Variants in CFAP299 observed in about 807,000 individuals in gnomAD.
The protein encoded by CFAP299 is cilia- and flagella-associated protein 299.
A neutral mutation model predicts 27.0 loss-of-function variants in CFAP299; 21 were observed. That is an observed-to-expected ratio of 0.78 (90% CI 0.55 to 1.12). The LOEUF is 1.12. Ranked by LOEUF, CFAP299 falls within the 50% of genes most tolerant of loss-of-function variation. The pLI is 0.00. For synonymous variants in CFAP299, 104 were observed against 98.1 expected (o/e 1.06, Z -0.36); for missense variants, 310 against 276.6 (o/e 1.12, Z -0.86).
At chr4:80,362,670 C>T (rs1723610614) in intron 1 of CFAP299, 84 bp from the exon 2 acceptor site, 11 of 1,373,156 alleles carry the variant, frequency 8.0e-6, no homozygotes, top group Non-Finnish European at 1.1e-5. Context: ...GCTTGGTATA[C>T]ATTGCAGATG....
chr4:80,625,668 T>C (rs1298994597), intron 3 of CFAP299, among the ~76,000 whole-genome samples: 1 of 151,950 alleles, frequency 6.6e-6, no homozygotes, highest in Non-Finnish European at 1.5e-5. Context: ...AGGACACACA[T>C]AGACTTAAAG....
Position 80,495,787 on chromosome 4 carries a change from T to C in CFAP299, c.243-87306T>C, listed in dbSNP as rs945243501. ...CAGGAAGCATGATACTAGCATCTGC[T>C]CAGCTTCTAAGGAGGCCTCAGGAAA... On this transcript the variant is annotated intron_variant, in intron 2 of 5. Coordinates refer to ENST00000358105, the MANE Select transcript of CFAP299 (RefSeq NM_152770.3). Among the ~76,000 whole-genome samples, 20 of 152,234 alleles carry C rather than the reference T, an allele frequency of 1.3e-4. 1 individual carries two copies. Among genetic ancestry groups the C allele is most frequent in the Non-Finnish European group, 2.5e-4 (17 of 68,036 alleles).
chr4:80,325,954 A>G, the CFAP299 span, among the ~76,000 whole-genome samples: 1 of 152,196 alleles, frequency 6.6e-6, no homozygotes, highest in Non-Finnish European at 1.5e-5. Flanking sequence ...AGAAGCTCCT[A>G]TCCACAGGCT....
intron 2 of CFAP299, among the ~76,000 whole-genome samples, chr4:80,457,953 A>G (rs1051734542): frequency 2.0e-5 from 3 of 152,100 alleles, no homozygotes; most frequent in South Asian, 4.1e-4. Context: ...GTCCATTTCT[A>G]TCCTGTGGCA....
At chr4:80,338,466 A>AT (rs896590339) in intron 1 of CFAP299, among the ~76,000 whole-genome samples, 13 of 151,774 alleles carry the variant, frequency 8.6e-5, no homozygotes, top group African/African-American at 1.9e-4. Context: ...GAGTCACAAG[A>AT]TTTTTTTTTG....
intron 4 of CFAP299, among the ~76,000 whole-genome samples, chr4:80,875,664 CAAAA>C (rs199860402): frequency 3.3e-5 from 3 of 90,772 alleles, no homozygotes; most frequent in Non-Finnish European, 2.4e-5. Flanking sequence ...AACTCTGTCT[CAAAA>C]AAAAAAAAAA....
chr4:80,828,973 T>C (rs543921901), intron 3 of CFAP299, among the ~76,000 whole-genome samples: 1 of 151,924 alleles, frequency 6.6e-6, no homozygotes, highest in Non-Finnish European at 1.5e-5. Flanking sequence ...GCTAAAATTA[T>C]AAAATTCCTG....
chr4:80,493,540 G>A (rs1418098610), intron 2 of CFAP299, among the ~76,000 whole-genome samples: 1 of 152,134 alleles, frequency 6.6e-6, no homozygotes, highest in Non-Finnish European at 1.5e-5. Context: ...GCAGGTGATA[G>A]GAAAGAGTCA....
chr4:80,472,655 C>A (rs960891587), intron 2 of CFAP299, among the ~76,000 whole-genome samples: 1 of 152,150 alleles, frequency 6.6e-6, no homozygotes, highest in African/African-American at 2.4e-5. Context: ...TGGCAGCCGG[C>A]TGGACAGGAG....
At chr4:80,642,327 T>C (rs75612543) in intron 3 of CFAP299, among the ~76,000 whole-genome samples, 1 of 152,226 alleles carries the variant, frequency 6.6e-6, no homozygotes, top group East Asian at 1.9e-4. Flanking sequence ...ATGAATGGTG[T>C]CTTATTAATT....
intron 2 of CFAP299, among the ~76,000 whole-genome samples, chr4:80,521,211 A>G (rs1043701411): frequency 1.3e-5 from 2 of 152,158 alleles, no homozygotes; most frequent in African/African-American, 2.4e-5. Context: ...TCATTTATAT[A>G]TATTGTTCTA....
chr4:80,760,509 G>C (rs546376291), intron 3 of CFAP299, among the ~76,000 whole-genome samples: 1 of 152,272 alleles, frequency 6.6e-6, no homozygotes, highest in Admixed American at 6.5e-5. Context: ...GAGCTATACA[G>C]GGAATGAGAT....
intron 2 of CFAP299, among the ~76,000 whole-genome samples, chr4:80,565,325 A>G (rs547055737): frequency 6.6e-6 from 1 of 152,098 alleles, no homozygotes; most frequent in African/African-American, 2.4e-5. Flanking sequence ...GTCTGTTACT[A>G]CTATGGCATA....
chr4:80,473,329 T>C (rs1730104460), intron 2 of CFAP299, among the ~76,000 whole-genome samples: 1 of 152,144 alleles, frequency 6.6e-6, no homozygotes, highest in African/African-American at 2.4e-5. Flanking sequence ...AACTTATTTC[T>C]TTAAGACAAA....
chr4:80,327,346 C>T, the CFAP299 span, among the ~76,000 whole-genome samples: 1,079 of 151,756 alleles, frequency 7.1e-3, 18 homozygotes, highest in African/African-American at 0.025. Flanking sequence ...ATTGAGGTAG[C>T]GTGAAGTAAG....
chr4:80,639,050 A>G (rs933019621), intron 3 of CFAP299, among the ~76,000 whole-genome samples: 2 of 152,102 alleles, frequency 1.3e-5, no homozygotes, highest in African/African-American at 4.8e-5. Flanking sequence ...CACTACTCCT[A>G]TTATGAGGGC....
At chr4:80,612,275 C>T (rs951997281) in intron 3 of CFAP299, among the ~76,000 whole-genome samples, 1 of 151,924 alleles carries the variant, frequency 6.6e-6, no homozygotes, top group Non-Finnish European at 1.5e-5. Context: ...AAATAGTAAA[C>T]TGAAAAACAG....
intron 3 of CFAP299, among the ~76,000 whole-genome samples, chr4:80,741,523 G>A (rs1050434996): frequency 2.0e-5 from 3 of 152,078 alleles, no homozygotes; most frequent in Admixed American, 1.3e-4. Context: ...ACTCTGCCTG[G>A]TGCTGTATCC....
At chr4:80,685,328 C>G (rs940347176) in intron 3 of CFAP299, among the ~76,000 whole-genome samples, 1 of 152,082 alleles carries the variant, frequency 6.6e-6, no homozygotes, top group Non-Finnish European at 1.5e-5. Flanking sequence ...AGGGCTTCAA[C>G]ATTAGCTACC....
Sources: allele counts gnomAD v4.1 joint callset (sites outside exome capture counted in the v4.1 genomes callset), GRCh38; gene constraint gnomAD v4.1.1; transcripts MANE v1.5; gene names NCBI Gene and HGNC (gene_info 2026-07-23, HGNC 2026-07-21).